C2CD4C: variants seen among roughly 807,000 people sequenced by gnomAD.
C2CD4C encodes the protein C2 calcium-dependent domain-containing protein 4C.
In C2CD4C, 3 loss-of-function variants were observed where a neutral mutation model predicts 4.1. That is an observed-to-expected ratio of 0.73 (90% CI 0.33 to 1.88). C2CD4C has a LOEUF of 1.88. C2CD4C is among the 40% of genes most tolerant of loss of function. C2CD4C has a pLI of 0.08. For missense variants in C2CD4C, 664 were observed against 621.5 expected (o/e 1.07, Z -0.73); for synonymous variants, 364 against 290.4 (o/e 1.25, Z -2.57).
rs111656193 is a variant in C2CD4C at position 407,546 on chromosome 19, G to A, written c.816C>T (p.Ala272=). Residue 272 remains alanine (A), a synonymous_variant, in exon 2 of 2, where the codon GCC becomes GCT. Coordinates refer to ENST00000332235, the MANE Select transcript of C2CD4C (RefSeq NM_001136263.2). ...TCAGGCGGCGCCGGCTCCCGGGGCTGGCGTCCGGGGTGCTGTCGTCCGCAG... is the reference window on the plus strand; with the variant it reads ...TCAGGCGGCGCCGGCTCCCGGGGCTAGCGTCCGGGGTGCTGTCGTCCGCAG... ...SLSADDSTPD[A]SPGSRRRLTR... The A allele has an allele frequency of 2.2e-6, 3 of 1,392,408 alleles. No homozygotes were observed. In the African/African-American group the frequency reaches 4.6e-5, roughly 21 times the overall value. 86.3% of individuals were successfully genotyped at this position (1,392,408 alleles called of 1,614,324 possible).
Position 407,347 on chromosome 19 carries a change from C to G in C2CD4C, c.1015G>C (p.Ala339Pro), listed in dbSNP as rs1289061268. 1.3e-6 allele frequency: 2 copies of G among 1,546,882 alleles called. No individual in the cohort carries two copies. The highest frequency in any genetic ancestry group is 2.7e-5 in the African/African-American group (2 of 73,172). ...AEGLYDRLCD[A>P]RSINCCVGLC... ...CCCACGCAGCAGTTGATGCTGCGGG[C>G]GTCGCACAGGCGGTCGTAGAGGCCC... The change falls in exon 2 of 2, where the codon GCC (alanine) becomes CCC (proline). Residue 339 changes from alanine to proline, a missense_variant. Coordinates refer to ENST00000332235, the MANE Select transcript of C2CD4C (RefSeq NM_001136263.2).
In C2CD4C at chr19:408,363, G is replaced by A; in HGVS notation, c.-2C>T. The A allele has an allele frequency of 6.5e-7, 1 of 1,546,682 alleles. No individual in the cohort carries two copies. Among genetic ancestry groups the A allele is most frequent in the Non-Finnish European group, 8.7e-7 (1 of 1,145,356 alleles). ...GAACCACATGTTGGTTTTTCTCATG[G>A]GGGCGGCAGGCAAGAGGCCCGGACA... is the stretch of plus-strand genomic sequence containing the variant. On this transcript the variant is annotated 5_prime_UTR_variant, in exon 2 of 2. Transcript: ENST00000332235.
At position 406,762 on chromosome 19, in the gene C2CD4C, A is replaced by C; in HGVS notation, c.*334T>G. The C allele has an allele frequency of 3.6e-6, 1 of 276,960 alleles. No individual in the cohort carries two copies. The highest frequency in any genetic ancestry group is 6.8e-6 in the Non-Finnish European group (1 of 147,312). 17.2% of individuals were successfully genotyped at this position (276,960 alleles called of 1,614,324 possible). On this transcript the variant is annotated 3_prime_UTR_variant, in exon 2 of 2. Transcript: ENST00000332235. ...TGAACCCCTGAGAACCTCCTTCTAGAACTCTGCGTGAAAGGCGCGAGGCAG... is the reference window on the plus strand; with the variant it reads ...TGAACCCCTGAGAACCTCCTTCTAGCACTCTGCGTGAAAGGCGCGAGGCAG...
chr19:406,808 C>T lies in C2CD4C; in HGVS notation c.*288G>A, dbSNP rs1479276284. ...GGCAGTGTGGAGGGGCAAAGGGGGACCCTCTGCCCCGCGAAGTGGCCCCTT... is the reference window on the plus strand; with the variant it reads ...GGCAGTGTGGAGGGGCAAAGGGGGATCCTCTGCCCCGCGAAGTGGCCCCTT... On this transcript the variant is annotated 3_prime_UTR_variant, in exon 2 of 2. Coordinates refer to ENST00000332235, the MANE Select transcript of C2CD4C (RefSeq NM_001136263.2). The T allele has an allele frequency of 2.3e-6, 1 of 427,374 alleles. No individual in the cohort carries two copies. The highest frequency in any genetic ancestry group is 4.3e-5 in the East Asian group (1 of 23,078). The allele number at this position is 427,374 out of a possible 1,614,324, so 26.5% of individuals were successfully genotyped here. A position where few individuals can be genotyped will look rare whatever the true frequency, so the allele number is the denominator to read the frequency against.
chr19:406,835 T>C lies in C2CD4C; in HGVS notation c.*261A>G, dbSNP rs1973997448. 2.1e-6 allele frequency: 1 copy of C among 484,384 alleles called. No homozygotes were observed. The highest frequency in any genetic ancestry group is 3.7e-6 in the Non-Finnish European group (1 of 273,102). 30.0% of individuals were successfully genotyped at this position (484,384 alleles called of 1,614,324 possible). On this transcript the variant is annotated 3_prime_UTR_variant, in exon 2 of 2. Transcript: ENST00000332235. ...CTCTGCCCCGCGAAGTGGCCCCTTC[T>C]CTTCCCCCGAGGCCCCTCTCCTCCT...
At position 408,174 on chromosome 19, in the gene C2CD4C, C is replaced by A. The variant is rs1974026928; in HGVS notation, c.188G>T (p.Gly63Val). 2 of 1,451,642 alleles carry A rather than the reference C, an allele frequency of 1.4e-6. No individual in the cohort carries two copies. Among genetic ancestry groups the A allele is most frequent in the South Asian group, 1.5e-5 (1 of 68,374 alleles). 89.9% of individuals were successfully genotyped at this position (1,451,642 alleles called of 1,614,324 possible). ...PPKLPSGPAE[G>V]EGQAALGPST... Reference sequence around the variant, plus strand: ...GGGGCCCAGCGCGGCCTGTCCCTCGCCCTCCGCGGGGCCCGAGGGCAGCTT... The same window carrying A: ...GGGGCCCAGCGCGGCCTGTCCCTCGACCTCCGCGGGGCCCGAGGGCAGCTT... Residue 63 changes from glycine to valine, a missense_variant, in exon 2 of 2, where the codon GGC (glycine) becomes GTC (valine). Physicochemically the swap from Gly to Val is moderately radical, Grantham distance 109 (BLOSUM62 -3). Transcript: ENST00000332235.
At position 407,766 on chromosome 19, in the gene C2CD4C, T is replaced by C; in HGVS notation, c.596A>G (p.Glu199Gly). 1 of 1,515,768 alleles carries C rather than the reference T, an allele frequency of 6.6e-7. No homozygotes were observed. Among genetic ancestry groups the C allele is most frequent in the Non-Finnish European group, 8.8e-7 (1 of 1,131,330 alleles). 93.9% of individuals were successfully genotyped at this position (1,515,768 alleles called of 1,614,324 possible). The change falls in exon 2 of 2, where the codon GAG becomes GGG. Residue 199 changes from glutamate (E) to glycine (G), a missense_variant. Physicochemically the swap from Glu to Gly is moderately conservative, Grantham distance 98. Coordinates refer to ENST00000332235, the MANE Select transcript of C2CD4C (RefSeq NM_001136263.2). ...KANGGDGGPREAGGALMSPGR... is the reference protein window; with the variant it reads ...KANGGDGGPRGAGGALMSPGR... The stretch of plus-strand genomic sequence containing the variant: ...GGGGCTCATGAGGGCCCCGCCAGCC[T>C]CCCTGGGGCCCCCATCACCCCCGTT...
At position 408,111 on chromosome 19, in the gene C2CD4C, C is replaced by A; in HGVS notation, c.251G>T (p.Arg84Leu). 2 of 1,475,830 alleles carry A rather than the reference C, an allele frequency of 1.4e-6. No homozygotes were observed. The highest frequency in any genetic ancestry group is 1.4e-5 in the South Asian group (1 of 71,246). 91.4% of individuals were successfully genotyped at this position (1,475,830 alleles called of 1,614,324 possible). The part of the protein sequence containing the change: ...SEQNLASAAP[R>L]QTPRSPRLPA... ...CAGCCGGGGGCTCCGTGGGGTCTGG[C>A]GGGGGGCCGCAGAGGCCAGGTTCTG... is the stretch of plus-strand genomic sequence containing the variant. Residue 84 changes from arginine to leucine, a missense_variant, in exon 2 of 2, where the codon CGC (arginine) becomes CTC (leucine). Transcript: ENST00000332235.
rs773588663 is a variant in C2CD4C at position 407,128 on chromosome 19, G to C, written c.1234C>G (p.Leu412Val). 1.3e-6 allele frequency: 2 copies of C among 1,549,876 alleles called. No homozygotes were observed. The highest frequency in any genetic ancestry group is 2.7e-5 in the African/African-American group (2 of 73,172). Residue 412 changes from leucine (L) to valine (V), a missense_variant, in exon 2 of 2, where the codon CTG becomes GTG. By Grantham distance (32) the Leu-to-Val change is conservative. Coordinates refer to ENST00000332235, the MANE Select transcript of C2CD4C (RefSeq NM_001136263.2). Reference sequence around the variant, plus strand: ...AAGGGGAGCAGGGAGGTCAGGGGCAGCTCCTTCTCCCCGAGCAGCGTGTCC... The same window carrying C: ...AAGGGGAGCAGGGAGGTCAGGGGCACCTCCTTCTCCCCGAGCAGCGTGTCC... ...KRDTLLGEKELPLTSLLPFL is the reference protein window; with the variant it reads ...KRDTLLGEKEVPLTSLLPFL
chr19:407,902 C>A lies in C2CD4C; in HGVS notation c.460G>T (p.Ala154Ser), dbSNP rs1342752455. The A allele has an allele frequency of 2.6e-6, 4 of 1,549,036 alleles. No individual in the cohort carries two copies. Among genetic ancestry groups the A allele is most frequent in the Non-Finnish European group, 2.6e-6 (3 of 1,146,374 alleles). The change falls in exon 2 of 2, where the codon GCT becomes TCT. Residue 154 changes from alanine to serine, a missense_variant. By Grantham distance (99) the Ala-to-Ser change is moderately conservative (BLOSUM62 1). Coordinates refer to ENST00000332235, the MANE Select transcript of C2CD4C (RefSeq NM_001136263.2). ...TTGCGCCTCGTGTGGGGGCTCTCAGCCAGCATGGCGAAGCCGTAGGACGTC... is the reference window on the plus strand; with the variant it reads ...TTGCGCCTCGTGTGGGGGCTCTCAGACAGCATGGCGAAGCCGTAGGACGTC... ...AQTSYGFAML[A>S]ESPHTRRKES...
chr19:408,217 C>T lies in C2CD4C; in HGVS notation c.145G>A (p.Asp49Asn), dbSNP rs903450553. The change falls in exon 2 of 2, where the codon GAC becomes AAC. Residue 49 changes from aspartate to asparagine, a missense_variant. Transcript: ENST00000332235. ...GGCAGCTTGGGGGGGATGAAAAAGT[C>T]GGGGATCTTGTCGGGCGTCAACACA... The part of the protein sequence containing the change: ...SNVLTPDKIP[D>N]FFIPPKLPSG... 2.1e-6 allele frequency: 3 copies of T among 1,462,302 alleles called. No individual in the cohort carries two copies. Among genetic ancestry groups the T allele is most frequent in the South Asian group, 2.9e-5 (2 of 69,916 alleles). The allele number at this position is 1,462,302 out of a possible 1,614,324, so 90.6% of individuals were successfully genotyped here. A position where few individuals can be genotyped will look rare whatever the true frequency, so the allele number is the denominator to read the frequency against.
rs1204637310 is a variant in C2CD4C, at chr19:405,808, C to T, written c.*1288G>A. 1 of 152,336 alleles carries T rather than the reference C, an allele frequency of 6.6e-6. No individual in the cohort carries two copies. The highest frequency in any genetic ancestry group is 1.5e-5 in the Non-Finnish European group (1 of 68,156). The allele number at this position is 152,336 out of a possible 1,614,324, so 9.4% of individuals were successfully genotyped here. On this transcript the variant is annotated 3_prime_UTR_variant, in exon 2 of 2. Coordinates refer to ENST00000332235, the MANE Select transcript of C2CD4C (RefSeq NM_001136263.2). ...TGTCCCACCGGACGTGCAGCAGGGG[C>T]CCAGCTGCTCCTCCAGTCCTGGGAA...
chr19:408,158 C>T lies in C2CD4C; in HGVS notation c.204G>A (p.Ala68=). ...TCTGTTCCGACGTGGAGGGGCCCAGCGCGGCCTGTCCCTCGCCCTCCGCGG... is the reference window on the plus strand; with the variant it reads ...TCTGTTCCGACGTGGAGGGGCCCAGTGCGGCCTGTCCCTCGCCCTCCGCGG... ...SGPAEGEGQA[A]LGPSTSEQNL... The change falls in exon 2 of 2, where the codon GCG becomes GCA. Residue 68 remains alanine (A), a synonymous_variant. Transcript: ENST00000332235. 1 of 1,452,712 alleles carries T rather than the reference C, an allele frequency of 6.9e-7. No homozygotes were observed. Among genetic ancestry groups the T allele is most frequent in the Non-Finnish European group, 9.1e-7 (1 of 1,102,234 alleles). The allele number at this position is 1,452,712 out of a possible 1,614,324, so 90.0% of individuals were successfully genotyped here. A position where few individuals can be genotyped will look rare whatever the true frequency, so the allele number is the denominator to read the frequency against.
rs542129190 is a variant in C2CD4C, at chr19:405,562, G to A, written c.*1534C>T. 6.6e-6 allele frequency: 1 copy of A among 152,312 alleles called. No homozygotes were observed. The highest frequency in any genetic ancestry group is 2.1e-4 in the South Asian group (1 of 4,828). 9.4% of individuals were successfully genotyped at this position (152,312 alleles called of 1,614,324 possible). A position where few individuals can be genotyped will look rare whatever the true frequency, so the allele number is the denominator to read the frequency against. Reference sequence around the variant, plus strand: ...CACTAAGATATCAAAGAGTGCAGGGGGGCTACTAAACGGGGGACCCCAGGG... The same window carrying A: ...CACTAAGATATCAAAGAGTGCAGGGAGGCTACTAAACGGGGGACCCCAGGG... On this transcript the variant is annotated 3_prime_UTR_variant, in exon 2 of 2. Coordinates refer to ENST00000332235, the MANE Select transcript of C2CD4C (RefSeq NM_001136263.2).
intron 1 of C2CD4C, 124 bp from the exon 2 acceptor site, chr19:408,525 G>A (rs1003538493): frequency 3.2e-6 from 2 of 630,408 alleles, no homozygotes; most frequent in Admixed American, 3.5e-5. Flanking sequence ...GGGTCCCCTG[G>A]GGGCGTCCCG....
Position 406,986 on chromosome 19 carries a change from C to A in C2CD4C, c.*110G>T, listed in dbSNP as rs1974000606. On this transcript the variant is annotated 3_prime_UTR_variant, in exon 2 of 2. Coordinates refer to ENST00000332235, the MANE Select transcript of C2CD4C (RefSeq NM_001136263.2). Reference sequence around the variant, plus strand: ...CAGCCCAGCCTGAGTGTGAGCCCCTCCCCGGCCAGCCCCAGCCCAAGCCAG... The same window carrying A: ...CAGCCCAGCCTGAGTGTGAGCCCCTACCCGGCCAGCCCCAGCCCAAGCCAG... 45 of 646,536 alleles carry A rather than the reference C, an allele frequency of 7.0e-5. No homozygotes were observed. Among genetic ancestry groups the A allele is most frequent in the East Asian group, 2.1e-4 (6 of 27,984 alleles). 40.0% of individuals were successfully genotyped at this position (646,536 alleles called of 1,614,324 possible).
Position 408,205 on chromosome 19 carries a change from G to T in C2CD4C, c.157C>A (p.Pro53Thr). The T allele has an allele frequency of 6.8e-7, 1 of 1,460,492 alleles. No individual in the cohort carries two copies. Among genetic ancestry groups the T allele is most frequent in the Non-Finnish European group, 9.0e-7 (1 of 1,106,468 alleles). The allele number at this position is 1,460,492 out of a possible 1,614,324, so 90.5% of individuals were successfully genotyped here. The part of the protein sequence containing the change: ...TPDKIPDFFI[P>T]PKLPSGPAEG... Reference sequence around the variant, plus strand: ...GCGGGGCCCGAGGGCAGCTTGGGGGGGATGAAAAAGTCGGGGATCTTGTCG... The same window carrying T: ...GCGGGGCCCGAGGGCAGCTTGGGGGTGATGAAAAAGTCGGGGATCTTGTCG... The change falls in exon 2 of 2, where the codon CCC becomes ACC. Residue 53 changes from proline to threonine, a missense_variant. Transcript: ENST00000332235.
rs1677155603 is a variant in C2CD4C, at chr19:407,965, G to A, written c.397C>T (p.Gln133Ter). Residue 133 changes from glutamine (Q) to a stop codon, truncating the protein, a stop_gained, in exon 2 of 2, where the codon CAG (glutamine) becomes TAG (stop). Transcript: ENST00000332235. LOFTEE classifies it low-confidence loss of function (END_TRUNC). The stretch of plus-strand genomic sequence containing the variant: ...ACCGAGGGCAGGGACATGGCACCCT[G>A]GGCCTGGGGGTCGGCGTCAGTGGCC... ...EEATDADPQA[Q>*]GAMSLPSVPK... is the part of the protein sequence containing the mutation. 6.5e-7 allele frequency: 1 copy of A among 1,549,064 alleles called. No individual in the cohort carries two copies. The highest frequency in any genetic ancestry group is 1.4e-5 in the African/African-American group (1 of 72,996).
chr19:406,271 C>T lies in C2CD4C; in HGVS notation c.*825G>A, dbSNP rs1347830750. ...CAGCCCCCAGCGAGGACGGATGGGC[C>T]ATAGGGCTGCTCTCTGGGCATCTCT... On this transcript the variant is annotated 3_prime_UTR_variant, in exon 2 of 2. Transcript: ENST00000332235. 3 of 152,318 alleles carry T rather than the reference C, an allele frequency of 2.0e-5. No individual in the cohort carries two copies. Among genetic ancestry groups the T allele is most frequent in the African/African-American group, 7.2e-5 (3 of 41,482 alleles). The allele number at this position is 152,318 out of a possible 1,614,324, so 9.4% of individuals were successfully genotyped here.
Sources: gnomAD v4.1 joint callset for allele counts on GRCh38, gnomAD v4.1.1 for gene constraint, MANE v1.5 for transcripts, NCBI Gene and HGNC (gene_info 2026-07-23, HGNC 2026-07-21) for gene names.